Variants in LRRK2 observed in about 807,000 individuals in gnomAD.
LRRK2 encodes the protein leucine rich repeat kinase 2.
In LRRK2, 203 loss-of-function variants were observed where a neutral mutation model predicts 302.6. The observed-to-expected ratio is 0.67, with a 90% CI of 0.60 to 0.75. LRRK2 has a LOEUF of 0.75. Ranked by LOEUF, LRRK2 falls within the 30% of genes least tolerant of loss-of-function variation. The pLI, the probability that LRRK2 is intolerant of heterozygous loss-of-function variation, is 0.00. For synonymous variants in LRRK2, 1,066 were observed against 1,031.9 expected (o/e 1.03, Z -0.63); for missense variants, 2,830 against 2,951.0 (o/e 0.96, Z 0.95).
intron 33 of LRRK2, 115 bp from the exon 34 acceptor site, chr12:40,319,873 A>G: frequency 9.6e-7 from 1 of 1,037,830 alleles, no homozygotes; most frequent in Non-Finnish European, 1.4e-6. Flanking sequence ...GTTGCACTTG[A>G]AAACACTAAA....
At chr12:40,354,230 A>G (rs1565775731) in intron 44 of LRRK2, 69 bp from the exon 45 acceptor site, 1 of 1,313,290 alleles carries the variant, frequency 7.6e-7, no homozygotes, top group African/African-American at 1.5e-5. Context: ...AGAATCCTTT[A>G]TTCTGTACAA....
intron 4 of LRRK2, among the ~76,000 whole-genome samples, chr12:40,236,948 T>C (rs1157221644): frequency 6.6e-6 from 1 of 152,062 alleles, no homozygotes; most frequent in Non-Finnish European, 1.5e-5. Context: ...CACTGGAATA[T>C]ATTGAAGTTA....
rs149136348 is a variant in LRRK2 at position 40,346,000 on chromosome 12, G to T, written c.6110-753G>T. ...GAAAGTGATCCCTAAGTTACTGCAT[G>T]GTATACATTGTTTAACCATTTCCCT... On this transcript the variant is annotated intron_variant, in intron 41 of 50. Transcript: ENST00000298910. 1.2e-3 allele frequency among the ~76,000 whole-genome samples: 182 copies of T among 152,020 alleles called. 1 individual carries two copies. The highest frequency in any genetic ancestry group is 1.8e-3 in the Non-Finnish European group (121 of 67,966).
intron 39 of LRRK2, among the ~76,000 whole-genome samples, chr12:40,331,687 G>C (rs1305533442): frequency 1.3e-5 from 2 of 152,140 alleles, no homozygotes; most frequent in Non-Finnish European, 2.9e-5. Flanking sequence ...CGACCTGTGG[G>C]CCACAAGTTG....
At chr12:40,259,446 T>C in intron 12 of LRRK2, 34 bp from the exon 13 acceptor site, 1 of 1,612,330 alleles carries the variant, frequency 6.2e-7, no homozygotes, top group Non-Finnish European at 8.5e-7. Flanking sequence ...ATCAGATCAG[T>C]CTTTCAATAA....
intron 40 of LRRK2, among the ~76,000 whole-genome samples, chr12:40,335,391 C>A (rs1397894621): frequency 6.6e-6 from 1 of 152,180 alleles, no homozygotes; most frequent in Non-Finnish European, 1.5e-5. Context: ...AAGTTCTGCT[C>A]TAGAACCCAT....
intron 7 of LRRK2, among the ~76,000 whole-genome samples, chr12:40,247,848 A>G (rs1036678096): frequency 1.3e-5 from 2 of 150,008 alleles, no homozygotes; most frequent in African/African-American, 2.4e-5. Context: ...ACGTACAACT[A>G]TCTTGGGAGA....
intron 46 of LRRK2, among the ~76,000 whole-genome samples, chr12:40,358,919 T>C (rs1449618020): frequency 6.6e-6 from 1 of 152,134 alleles, no homozygotes; most frequent in African/African-American, 2.4e-5. Flanking sequence ...GGTTTCCTTA[T>C]AGAGATCGTT....
chr12:40,308,058 G>A (rs1003265552), intron 28 of LRRK2, among the ~76,000 whole-genome samples: 3 of 151,890 alleles, frequency 2.0e-5, no homozygotes, highest in South Asian at 2.1e-4. Context: ...GGGATTACAG[G>A]TGCGAGCCAC....
At position 40,369,194 on chromosome 12, in the gene LRRK2, C is replaced by T. The variant is rs142051987; in HGVS notation, c.*1429C>T. Reference sequence around the variant, plus strand: ...TCCAGTGTTATCTCTTTCATTGTTACTTTGTATTTGCAATTTTTTTTACCA... The same window carrying T: ...TCCAGTGTTATCTCTTTCATTGTTATTTTGTATTTGCAATTTTTTTTACCA... On this transcript the variant is annotated 3_prime_UTR_variant, in exon 51 of 51. Coordinates refer to ENST00000298910, the MANE Select transcript of LRRK2 (RefSeq NM_198578.4). 6.6e-6 allele frequency: 1 copy of T among 151,458 alleles called. No homozygotes were observed. The highest frequency in any genetic ancestry group is 6.6e-5 in the Admixed American group (1 of 15,152). The allele number at this position is 151,458 out of a possible 1,614,324, so 9.4% of individuals were successfully genotyped here.
intron 12 of LRRK2, among the ~76,000 whole-genome samples, chr12:40,259,196 C>G (rs1169596752): frequency 6.6e-6 from 1 of 152,110 alleles, no homozygotes. Context: ...GATAATAACA[C>G]CTACCTGCTG....
At chr12:40,252,659 A>G (rs1213137196) in intron 10 of LRRK2, among the ~76,000 whole-genome samples, 2 of 151,932 alleles carry the variant, frequency 1.3e-5, no homozygotes, top group African/African-American at 2.4e-5. Context: ...ATCTCTTTAC[A>G]TATCTGCTGA....
rs765707400 is a variant in LRRK2 at position 40,278,301 on chromosome 12, T to C, written c.2241+40T>C. 3.1e-6 allele frequency: 5 copies of C among 1,610,332 alleles called. No homozygotes were observed. The Admixed American group carries it at 6.7e-5, about 21-fold the overall frequency. On this transcript the variant is annotated intron_variant, in intron 18 of 50. Coordinates refer to ENST00000298910, the MANE Select transcript of LRRK2 (RefSeq NM_198578.4). ...CCTCACTTTTGTCTTTGCTCAGTAT[T>C]CTTATAGAATGTAAGAGCCCTGCCA...
At chr12:40,355,632 T>A (rs184539012) in intron 45 of LRRK2, among the ~76,000 whole-genome samples, 1 of 150,526 alleles carries the variant, frequency 6.6e-6, no homozygotes, top group African/African-American at 2.5e-5. Flanking sequence ...AACTTCCACC[T>A]CCTAAGTTCA....
At chr12:40,346,103 A>C (rs1181452315) in intron 41 of LRRK2, among the ~76,000 whole-genome samples, 3 of 152,250 alleles carry the variant, frequency 2.0e-5, no homozygotes, top group African/African-American at 7.2e-5. Context: ...TTTCTGAAGA[A>C]TTTAAAAGTA....
intron 28 of LRRK2, 97 bp downstream of exon 28, chr12:40,306,063 A>T (rs1000305024): frequency 2.1e-6 from 2 of 931,356 alleles, no homozygotes; most frequent in Non-Finnish European, 3.3e-6. Flanking sequence ...ATTTAGGGAA[A>T]AATAAATAGT....
intron 23 of LRRK2, among the ~76,000 whole-genome samples, 176 bp from the exon 24 acceptor site, chr12:40,298,067 A>G (rs1276491226): frequency 1.3e-5 from 2 of 151,822 alleles, no homozygotes; most frequent in Non-Finnish European, 2.9e-5. Flanking sequence ...TACCCATGCT[A>G]CAAGCAGAGA....
At position 40,330,803 on chromosome 12, in the gene LRRK2, T is replaced by A. The variant is rs544658846; in HGVS notation, c.5757+2343T>A. Among the ~76,000 whole-genome samples the A allele has an allele frequency of 9.3e-4, 141 of 152,316 alleles. 5 individuals carry two copies. In the South Asian group the frequency reaches 0.029, roughly 31 times the overall value. On this transcript the variant is annotated intron_variant, in intron 39 of 50. Coordinates refer to ENST00000298910, the MANE Select transcript of LRRK2 (RefSeq NM_198578.4). ...AGCCTTTTGGGTCTATCATCCATGT[T>A]TGAGTTCCCTCTTCAAGTTTTATCT...
intron 18 of LRRK2, among the ~76,000 whole-genome samples, chr12:40,278,713 A>T (rs972428345): frequency 5.3e-5 from 8 of 152,320 alleles, no homozygotes; most frequent in African/African-American, 1.7e-4. Flanking sequence ...ATTCACAGTG[A>T]CATGAGTTGC....
Sources: gnomAD v4.1 joint callset for allele counts (sites outside exome capture counted in the v4.1 genomes callset) on GRCh38, gnomAD v4.1.1 for gene constraint, MANE v1.5 for transcripts, NCBI Gene and HGNC (gene_info 2026-07-23, HGNC 2026-07-21) for gene names.